MYO1D: variants seen among roughly 807,000 people sequenced by gnomAD.
MYO1D encodes the protein myosin ID.
Under a neutral mutation model 122.0 loss-of-function variants are expected in MYO1D, and 83 were observed. The observed-to-expected ratio is 0.68, with a 90% CI of 0.57 to 0.82. The LOEUF (loss-of-function observed/expected upper bound fraction) is 0.82, where lower values mean the gene tolerates loss of function less well. MYO1D is among the 40% of genes least tolerant of loss of function. The pLI is 0.00. For missense variants in MYO1D, 1,157 were observed against 1,269.5 expected, an observed-to-expected ratio of 0.91 and a Z score of 1.35; for synonymous variants, 464 against 446.9, an observed-to-expected ratio of 1.04 and a Z score of -0.48.
At chr17:32,687,503 G>A (rs1459461284) in intron 16 of MYO1D, among the ~76,000 whole-genome samples, 2 of 152,074 alleles carry the variant, frequency 1.3e-5, no homozygotes, top group East Asian at 1.9e-4. Context: ...GGCCTCGCCT[G>A]GCTAATTTTT....
intron 4 of MYO1D, among the ~76,000 whole-genome samples, chr17:32,773,843 A>T (rs1163424869): frequency 1.3e-5 from 2 of 152,150 alleles, no homozygotes; most frequent in African/African-American, 4.8e-5. Context: ...GAGATGCCTG[A>T]CGTCCAGGCA....
chr17:32,818,845 A>G (rs1325169894), intron 1 of MYO1D, among the ~76,000 whole-genome samples: 1 of 152,216 alleles, frequency 6.6e-6, no homozygotes, highest in African/African-American at 2.4e-5. Flanking sequence ...GGCCTGGAAA[A>G]TTCCTTAAAA....
chr17:32,498,013 C>T (rs1909180552), intron 21 of MYO1D: 1 of 152,442 alleles, frequency 6.6e-6, no homozygotes, highest in East Asian at 1.9e-4. Flanking sequence ...CACCACCGGC[C>T]CAGCCCCTGG....
chr17:32,580,868 T>C (rs923310615), intron 21 of MYO1D, among the ~76,000 whole-genome samples: 2 of 152,244 alleles, frequency 1.3e-5, no homozygotes, highest in Admixed American at 1.3e-4. Context: ...ATATTGCTTA[T>C]AATTCCTAAA....
At chr17:32,619,473 T>C (rs7216929) in intron 20 of MYO1D, among the ~76,000 whole-genome samples, 1,537 of 152,326 alleles carry the variant, frequency 0.01, 28 homozygotes, top group African/African-American at 0.035. Flanking sequence ...CCTCCCATTT[T>C]CCTTCTGATT....
intron 16 of MYO1D, among the ~76,000 whole-genome samples, chr17:32,659,772 C>T (rs969623710): frequency 3.3e-5 from 5 of 152,130 alleles, no homozygotes; most frequent in African/African-American, 7.2e-5. Flanking sequence ...ACTGGTGTAA[C>T]GCCACTTTGG....
chr17:32,580,286 A>G (rs2087320500), intron 21 of MYO1D, among the ~76,000 whole-genome samples: 1 of 106,254 alleles, frequency 9.4e-6, no homozygotes. Context: ...GTCTGCTAAG[A>G]GGATTTTTTT....
intron 12 of MYO1D, among the ~76,000 whole-genome samples, chr17:32,746,565 T>C (rs1339584987): frequency 1.3e-5 from 2 of 152,226 alleles, no homozygotes; most frequent in Non-Finnish European, 2.9e-5. Flanking sequence ...AATGTTTATG[T>C]GTATATATGC....
intron 1 of MYO1D, among the ~76,000 whole-genome samples, chr17:32,870,756 G>C (rs1225473638): frequency 6.6e-6 from 1 of 151,708 alleles, no homozygotes; most frequent in Non-Finnish European, 1.5e-5. Flanking sequence ...ATTAAAGGTA[G>C]GTTTGCTTCA....
At chr17:32,629,080 G>T (rs1166471653) in intron 20 of MYO1D, among the ~76,000 whole-genome samples, 1 of 152,144 alleles carries the variant, frequency 6.6e-6, no homozygotes, top group Non-Finnish European at 1.5e-5. Flanking sequence ...AAGACATGAC[G>T]GAACCTTAAA....
intron 1 of MYO1D, among the ~76,000 whole-genome samples, chr17:32,837,135 T>A (rs541836979): frequency 1.6e-4 from 25 of 152,174 alleles, no homozygotes; most frequent in Non-Finnish European, 2.4e-4. Flanking sequence ...TTCTGATGAG[T>A]GTGTAATATT....
At position 32,778,586 on chromosome 17, in the gene MYO1D, A is replaced by G; in HGVS notation, c.305-13T>C. ...GCTCCACTTTCCCCTGGGGGGAAAA[A>G]TTGTTCAGGGCTTAACATAATAATT... On this transcript the variant is annotated splice_polypyrimidine_tract_variant and intron_variant, in intron 2 of 21. Transcript: ENST00000318217. The G allele has an allele frequency of 8.1e-6, 13 of 1,596,262 alleles. No individual in the cohort carries two copies. Among genetic ancestry groups the G allele is most frequent in the Non-Finnish European group, 1.1e-5 (13 of 1,163,854 alleles).
At chr17:32,681,721 T>C (rs1431102605) in intron 16 of MYO1D, among the ~76,000 whole-genome samples, 1 of 147,970 alleles carries the variant, frequency 6.8e-6, no homozygotes, top group Non-Finnish European at 1.5e-5. Context: ...AAAAAATGTA[T>C]ATTCTGTTGA....
At chr17:32,647,179 T>C (rs150552056) in intron 19 of MYO1D, among the ~76,000 whole-genome samples, 174 of 152,252 alleles carry the variant, frequency 1.1e-3, no homozygotes, top group Non-Finnish European at 2.1e-3. Flanking sequence ...CACATCATGG[T>C]TGAGAGTAGC....
chr17:32,579,537 A>AT (rs1266119678), intron 21 of MYO1D, among the ~76,000 whole-genome samples: 1 of 152,144 alleles, frequency 6.6e-6, no homozygotes, highest in Non-Finnish European at 1.5e-5. Context: ...AACTCCACAT[A>AT]TTTAAGGTAT....
chr17:32,682,656 C>A (rs1482325673), intron 16 of MYO1D, among the ~76,000 whole-genome samples: 1 of 121,922 alleles, frequency 8.2e-6, no homozygotes, highest in Non-Finnish European at 1.6e-5. Context: ...TGAGGGTAAC[C>A]CGACCTTTCT....
At chr17:32,620,554 C>T (rs954836322) in intron 20 of MYO1D, among the ~76,000 whole-genome samples, 42 of 152,106 alleles carry the variant, frequency 2.8e-4, no homozygotes, top group Admixed American at 2.6e-3. Flanking sequence ...GAACCCCCCC[C>T]TGCCAAGTTC....
chr17:32,782,071 G>A (rs1404759829), intron 1 of MYO1D, among the ~76,000 whole-genome samples: 1 of 152,214 alleles, frequency 6.6e-6, no homozygotes, highest in Non-Finnish European at 1.5e-5. Flanking sequence ...ATGGCTGGTG[G>A]AGCAGGAGAA....
chr17:32,794,913 G>A (rs1020708724), intron 1 of MYO1D, among the ~76,000 whole-genome samples: 12 of 152,138 alleles, frequency 7.9e-5, no homozygotes, highest in Non-Finnish European at 1.3e-4. Flanking sequence ...GAAGCACTAC[G>A]CTGGTCTCAG....
Sources: allele counts gnomAD v4.1 joint callset (sites outside exome capture counted in the v4.1 genomes callset), GRCh38; gene constraint gnomAD v4.1.1; transcripts MANE v1.5; gene names NCBI Gene and HGNC (gene_info 2026-07-23, HGNC 2026-07-21).